Variants in NRG3 observed in about 807,000 individuals in gnomAD.
NRG3 encodes pro-neuregulin-3, membrane-bound isoform.
A neutral mutation model predicts 66.9 loss-of-function variants in NRG3; 31 were observed. The observed-to-expected ratio is 0.46, with a 90% CI of 0.35 to 0.63. The LOEUF is 0.63. Among genes scored for constraint, NRG3 ranks in the 20% least tolerant of loss-of-function variants. The probability of loss-of-function intolerance (pLI) is 0.00; values close to 1 mark genes in which losing one functional copy is unlikely to be tolerated. For synonymous variants in NRG3, 393 were observed against 359.4 expected (o/e 1.09, Z -1.06); for missense variants, 910 against 878.9 (o/e 1.04, Z -0.45).
intron 1 of NRG3, among the ~76,000 whole-genome samples, chr10:82,223,235 C>G (rs529142956): frequency 6.6e-6 from 1 of 152,274 alleles, no homozygotes; most frequent in African/African-American, 2.4e-5. Flanking sequence ...GCAGCTGCAG[C>G]TGGAATGCCG....
intron 1 of NRG3, among the ~76,000 whole-genome samples, chr10:82,321,583 G>T (rs2081581057): frequency 6.6e-6 from 1 of 152,088 alleles, no homozygotes; most frequent in Admixed American, 6.5e-5. Context: ...TTGCCTAATA[G>T]TGATCCCCTG....
At chr10:82,535,640 T>C (rs1847738970) in intron 2 of NRG3, among the ~76,000 whole-genome samples, 1 of 152,152 alleles carries the variant, frequency 6.6e-6, no homozygotes, top group Non-Finnish European at 1.5e-5. Flanking sequence ...CTAATAGGGA[T>C]GCAGAGAGCC....
intron 2 of NRG3, among the ~76,000 whole-genome samples, chr10:82,641,529 A>T (rs1265770580): frequency 6.6e-6 from 1 of 152,200 alleles, no homozygotes; most frequent in Non-Finnish European, 1.5e-5. Flanking sequence ...GGTCTGGTGT[A>T]TAAGATGAGC....
intron 1 of NRG3, among the ~76,000 whole-genome samples, chr10:82,171,215 C>A (rs564338292): frequency 1.3e-5 from 2 of 151,856 alleles, no homozygotes; most frequent in South Asian, 4.2e-4. Context: ...AAAGTAGAGA[C>A]GCATCAAATC....
At chr10:82,872,487 C>G (rs1564588601) in intron 4 of NRG3, among the ~76,000 whole-genome samples, 1 of 152,046 alleles carries the variant, frequency 6.6e-6, no homozygotes, top group African/African-American at 2.4e-5. Flanking sequence ...CAGAATACTT[C>G]ATACAGTTTA....
intron 3 of NRG3, among the ~76,000 whole-genome samples, chr10:82,849,050 T>G (rs2135814989): frequency 6.6e-6 from 1 of 152,304 alleles, no homozygotes; most frequent in Admixed American, 6.5e-5. Context: ...TCCAATTACC[T>G]TATTTGGAGA....
chr10:82,510,530 C>G (rs886721271), intron 2 of NRG3, among the ~76,000 whole-genome samples: 4 of 152,056 alleles, frequency 2.6e-5, no homozygotes, highest in Non-Finnish European at 5.9e-5. Flanking sequence ...AGAGACTTTC[C>G]CATAGGGATT....
chr10:82,876,994 G>T (rs1746828711), intron 4 of NRG3, among the ~76,000 whole-genome samples: 2 of 149,368 alleles, frequency 1.3e-5, no homozygotes, highest in African/African-American at 5.0e-5. Context: ...CTGCATTCCA[G>T]CCTGGGCAAC....
At chr10:81,930,858 G>A (rs1375506068) in intron 1 of NRG3, among the ~76,000 whole-genome samples, 1 of 152,166 alleles carries the variant, frequency 6.6e-6, no homozygotes, top group Non-Finnish European at 1.5e-5. Context: ...TAATGAGGAA[G>A]CTTCACTCAG....
intron 2 of NRG3, among the ~76,000 whole-genome samples, chr10:82,559,889 G>T (rs1455807554): frequency 9.9e-5 from 15 of 151,866 alleles, no homozygotes; most frequent in Non-Finnish European, 7.4e-5. Context: ...TTCTCTTGAG[G>T]CCTAAATATA....
At chr10:82,288,802 C>T (rs1419168118) in intron 1 of NRG3, among the ~76,000 whole-genome samples, 1 of 152,180 alleles carries the variant, frequency 6.6e-6, no homozygotes, top group East Asian at 1.9e-4. Context: ...AGCATGCTGA[C>T]TTATCTGCCT....
chr10:82,962,467 G>A (rs540382834), intron 6 of NRG3, among the ~76,000 whole-genome samples: 1 of 152,122 alleles, frequency 6.6e-6, no homozygotes, highest in South Asian at 2.1e-4. Flanking sequence ...TTTAAGAAAG[G>A]TAAGTTTATG....
At chr10:82,767,759 C>T (rs889477615) in intron 3 of NRG3, among the ~76,000 whole-genome samples, 2 of 151,972 alleles carry the variant, frequency 1.3e-5, no homozygotes, top group South Asian at 2.1e-4. Flanking sequence ...TCAGATGTCT[C>T]CTTTCCTCAG....
At chr10:82,543,091 C>G (rs1024989981) in intron 2 of NRG3, among the ~76,000 whole-genome samples, 1 of 152,038 alleles carries the variant, frequency 6.6e-6, no homozygotes, top group Non-Finnish European at 1.5e-5. Context: ...AGGGTTTCAC[C>G]ATGTTGGCCA....
At chr10:82,370,986 A>G (rs1162628493) in intron 2 of NRG3, among the ~76,000 whole-genome samples, 1 of 152,048 alleles carries the variant, frequency 6.6e-6, no homozygotes, top group Non-Finnish European at 1.5e-5. Context: ...ATTCACACAC[A>G]TGCATATACA....
chr10:82,590,453 G>A (rs893182588), intron 2 of NRG3, among the ~76,000 whole-genome samples: 1 of 152,084 alleles, frequency 6.6e-6, no homozygotes, highest in Non-Finnish European at 1.5e-5. Flanking sequence ...TAAATACTGA[G>A]GAGGGAAGGT....
At chr10:82,073,971 CCAGA>C (rs2064949475) in intron 1 of NRG3, among the ~76,000 whole-genome samples, 1 of 151,792 alleles carries the variant, frequency 6.6e-6, no homozygotes, top group African/African-American at 2.4e-5. Flanking sequence ...AGTGGCAAAA[CCAGA>C]CAATCAATAA....
rs1853350868 is a variant in NRG3, at chr10:82,985,353, T to C, written c.1839T>C (p.Ser613=). ...ATTCAGCTGACGTTGTCAATGTGAG[T>C]ATTCCAGTCAGCGATTGTCTTATAG... is the stretch of plus-strand genomic sequence containing the variant. ...NSYSADVVNV[S]IPVSDCLIAE... is the part of the protein sequence containing the mutation. Residue 613 remains serine (S), a synonymous_variant, in exon 9 of 9, where the codon AGT becomes AGC. Coordinates refer to ENST00000372141, the MANE Select transcript of NRG3 (RefSeq NM_001010848.4). 3 of 1,613,996 alleles carry C rather than the reference T, an allele frequency of 1.9e-6. No homozygotes were observed. The highest frequency in any genetic ancestry group is 1.7e-5 in the Admixed American group (1 of 59,998).
At chr10:82,271,199 AG>A (rs969068545) in intron 1 of NRG3, among the ~76,000 whole-genome samples, 7 of 152,054 alleles carry the variant, frequency 4.6e-5, no homozygotes, top group Admixed American at 1.3e-4. Context: ...AGAAAATCAG[AG>A]GGTTCTTGGG....
Sources: allele counts gnomAD v4.1 joint callset (sites outside exome capture counted in the v4.1 genomes callset), GRCh38; gene constraint gnomAD v4.1.1; transcripts MANE v1.5; gene names NCBI Gene and HGNC (gene_info 2026-07-23, HGNC 2026-07-21).